SSPN: variants seen among roughly 807,000 people sequenced by gnomAD.
SSPN encodes sarcospan, also known as K-ras oncogene-associated protein.
In SSPN, 15 loss-of-function variants were observed where a neutral mutation model predicts 19.1. The ratio of observed to expected loss-of-function variants is 0.78; its 90% CI spans 0.52 to 1.21. The LOEUF (loss-of-function observed/expected upper bound fraction) is 1.21. Among genes scored for constraint, SSPN ranks in the 50% most tolerant of loss-of-function variants. SSPN has a pLI of 0.00. For missense variants in SSPN, 291 were observed against 314.0 expected, an observed-to-expected ratio of 0.93 and a Z score of 0.55; for synonymous variants, 147 against 140.3, an observed-to-expected ratio of 1.05 and a Z score of -0.34.
At chr12:26,174,571 A>C (rs924497974) in intron 1 of SSPN, among the ~76,000 whole-genome samples, 1 of 144,602 alleles carries the variant, frequency 6.9e-6, no homozygotes, top group Admixed American at 7.0e-5. Flanking sequence ...CCCATGCTGG[A>C]GTGCAGTGAC....
At chr12:26,205,942 G>A (rs1944927307) in intron 1 of SSPN, among the ~76,000 whole-genome samples, 1 of 152,216 alleles carries the variant, frequency 6.6e-6, no homozygotes. Context: ...AGTTTGAGAA[G>A]CCTCTTAAAG....
intron 1 of SSPN, among the ~76,000 whole-genome samples, chr12:26,179,480 AGAG>A (rs780372605): frequency 6.6e-6 from 1 of 152,174 alleles, no homozygotes; most frequent in Admixed American, 6.5e-5. Flanking sequence ...CCATCAGGGC[AGAG>A]GAGAATTCAA....
rs1945155436 is a variant in SSPN at position 26,224,356 on chromosome 12, A to G, written c.343A>G (p.Thr115Ala). ...TGTCTCATATCAGGTTGACGAACGGACATGTATTCAATTTTCTATGAAAGT... is the reference window on the plus strand; with the variant it reads ...TGTCTCATATCAGGTTGACGAACGGGCATGTATTCAATTTTCTATGAAAGT... Reference protein sequence around the residue: ...LCVSYQVDERTCIQFSMKLLY... With the variant: ...LCVSYQVDERACIQFSMKLLY... Residue 115 changes from threonine (T) to alanine (A), a missense_variant, in exon 2 of 3, where the codon ACA becomes GCA. Physicochemically the swap from Thr to Ala is moderately conservative, Grantham distance 58. Around this residue, in one of 3 missense-constraint regions of SSPN, gnomAD observed 141 missense variants for 166.7 expected, o/e 0.85. Coordinates refer to ENST00000242729, the MANE Select transcript of SSPN (RefSeq NM_005086.5). 1 of 1,613,782 alleles carries G rather than the reference A, an allele frequency of 6.2e-7. No homozygotes were observed.
At chr12:26,195,464 G>C (rs1344086990), upstream of SSPN, 1 of 889,554 alleles carries the variant, frequency 1.1e-6, no homozygotes, top group Non-Finnish European at 1.5e-6. Context: ...GTCCCGGCGC[G>C]TTGGCAGTTG....
At chr12:26,128,243 T>G (rs1474923393) in intron 1 of SSPN, among the ~76,000 whole-genome samples, 1 of 152,160 alleles carries the variant, frequency 6.6e-6, no homozygotes, top group Non-Finnish European at 1.5e-5. Flanking sequence ...TGTGTGTGAA[T>G]GAAATTGTGT....
intron 1 of SSPN, among the ~76,000 whole-genome samples, chr12:26,160,964 T>C (rs1044794900): frequency 1.3e-5 from 2 of 151,908 alleles, no homozygotes. Flanking sequence ...AAAAATTAGC[T>C]GGGCATGGTG....
chr12:26,151,359 T>C (rs1565672949), intron 1 of SSPN, among the ~76,000 whole-genome samples: 1 of 152,180 alleles, frequency 6.6e-6, no homozygotes, highest in Non-Finnish European at 1.5e-5. Context: ...ATTATTTCCC[T>C]ATTTAGATCT....
At chr12:26,155,103 G>A (rs1398783551) in intron 1 of SSPN, among the ~76,000 whole-genome samples, 3 of 152,268 alleles carry the variant, frequency 2.0e-5, no homozygotes, top group South Asian at 2.1e-4. Context: ...GCAAAACCAT[G>A]TTCTATGAAT....
chr12:26,223,275 A>G (rs1057046133), intron 1 of SSPN, among the ~76,000 whole-genome samples: 3 of 152,194 alleles, frequency 2.0e-5, no homozygotes, highest in Non-Finnish European at 2.9e-5. Context: ...CAATGGCACA[A>G]TCTCAGCTCA....
At chr12:26,170,641 C>T (rs1449952383) in intron 1 of SSPN, among the ~76,000 whole-genome samples, 1 of 152,060 alleles carries the variant, frequency 6.6e-6, no homozygotes, top group East Asian at 1.9e-4. Flanking sequence ...CTAATTTTTC[C>T]CTGTGGTATA....
At chr12:26,213,829 A>G (rs1007882214) in intron 1 of SSPN, among the ~76,000 whole-genome samples, 5 of 152,232 alleles carry the variant, frequency 3.3e-5, no homozygotes, top group African/African-American at 9.6e-5. Context: ...AGCTCTTCTC[A>G]ACAGCTGACA....
chr12:26,153,811 T>C (rs1591852209), intron 1 of SSPN, among the ~76,000 whole-genome samples: 1 of 152,182 alleles, frequency 6.6e-6, no homozygotes, highest in East Asian at 1.9e-4. Flanking sequence ...ATCAGGAATA[T>C]TGTGGGTGTG....
At chr12:26,202,812 C>T (rs1318039091) in intron 1 of SSPN, among the ~76,000 whole-genome samples, 1 of 152,156 alleles carries the variant, frequency 6.6e-6, no homozygotes. Flanking sequence ...TTGAAGAGTT[C>T]AGCATATATG....
chr12:26,149,335 A>ATCTACCG, intron 1 of SSPN, among the ~76,000 whole-genome samples: 1 of 152,220 alleles, frequency 6.6e-6, no homozygotes, highest in African/African-American at 2.4e-5. Flanking sequence ...TACATCTACC[A>ATCTACCG]TACTGGTGAT....
At chr12:26,223,649 G>T (rs1415117751) in intron 1 of SSPN, among the ~76,000 whole-genome samples, 1 of 152,166 alleles carries the variant, frequency 6.6e-6, no homozygotes, top group Non-Finnish European at 1.5e-5. Flanking sequence ...CAAAGAAAAG[G>T]CTTTGTGCCT....
Position 26,230,882 on chromosome 12 carries a change from G to A in SSPN, c.538G>A (p.Asp180Asn), listed in dbSNP as rs1025833775. 3 of 1,614,062 alleles carry A rather than the reference G, an allele frequency of 1.9e-6. No homozygotes were observed. The highest frequency in any genetic ancestry group is 2.2e-5 in the East Asian group (1 of 44,894). Reference protein sequence around the residue: ...EPLSRTFVYRDVTDCTSVTGT... With the variant: ...EPLSRTFVYRNVTDCTSVTGT... ...GCTCAGCAGGACCTTTGTTTACCGG[G>A]ATGTGACGGACTGTACCAGCGTCAC... is the stretch of plus-strand genomic sequence containing the variant. The change falls in exon 3 of 3, where the codon GAT becomes AAT. Residue 180 changes from aspartate (D) to asparagine (N), a missense_variant. Transcript: ENST00000242729.
intron 1 of SSPN, among the ~76,000 whole-genome samples, chr12:26,150,812 T>G (rs1944521215): frequency 6.6e-6 from 1 of 152,166 alleles, no homozygotes; most frequent in Non-Finnish European, 1.5e-5. Context: ...GGGACAGTCC[T>G]TACTGGGATT....
chr12:26,215,159 G>A (rs1357918743), intron 1 of SSPN, among the ~76,000 whole-genome samples: 1 of 152,192 alleles, frequency 6.6e-6, no homozygotes, highest in African/African-American at 2.4e-5. Context: ...CCACAGTAAA[G>A]GTTGAGCTAA....
intron 1 of SSPN, among the ~76,000 whole-genome samples, chr12:26,166,081 A>T (rs978140272): frequency 9.2e-5 from 14 of 152,150 alleles, no homozygotes; most frequent in African/African-American, 3.4e-4. Context: ...ATGAGAACAC[A>T]TGAACACAGG....
Sources: gnomAD v4.1 joint callset for allele counts (sites outside exome capture counted in the v4.1 genomes callset) on GRCh38, gnomAD v4.1.1 for gene constraint, gnomAD v4.1.1 regional missense constraint, MANE v1.5 for transcripts, NCBI Gene and HGNC (gene_info 2026-07-23, HGNC 2026-07-21) for gene names.